Variants in TSNARE1 observed in about 807,000 individuals in gnomAD.
TSNARE1 encodes the protein t-SNARE domain containing 1.
Under a neutral mutation model 62.0 loss-of-function variants are expected in TSNARE1, and 49 were observed. The ratio of observed to expected loss-of-function variants is 0.79; its 90% confidence interval spans 0.63 to 1.00. The LOEUF is 1.00. Among genes scored for constraint, TSNARE1 ranks in the 50% least tolerant of loss-of-function variants. The probability of loss-of-function intolerance (pLI) is 0.00; values close to 1 mark genes in which losing one functional copy is unlikely to be tolerated. For synonymous variants in TSNARE1, 328 were observed against 294.4 expected, an observed-to-expected ratio of 1.11 and a Z score of -1.17; for missense variants, 755 against 700.1, an observed-to-expected ratio of 1.08 and a Z score of -0.88.
intron 1 of TSNARE1, among the ~76,000 whole-genome samples, chr8:142,360,083 G>A (rs546102717): frequency 1.3e-5 from 2 of 152,352 alleles, no homozygotes; most frequent in Admixed American, 6.5e-5. Context: ...GGCACAGCAA[G>A]AGAGGGAGCC....
chr8:142,294,487 G>A (rs1241306591), intron 10 of TSNARE1, among the ~76,000 whole-genome samples: 1 of 152,220 alleles, frequency 6.6e-6, no homozygotes, highest in Non-Finnish European at 1.5e-5. Flanking sequence ...GGAGGCACCG[G>A]GCATGGTTCT....
At chr8:142,345,260 C>T (rs1295444843) in intron 3 of TSNARE1, among the ~76,000 whole-genome samples, 2 of 152,236 alleles carry the variant, frequency 1.3e-5, no homozygotes, top group Non-Finnish European at 2.9e-5. Flanking sequence ...AGGAGAAGCA[C>T]TCAAGTACAG....
At chr8:142,256,759 C>T (rs145065879) in intron 12 of TSNARE1, among the ~76,000 whole-genome samples, 3 of 152,216 alleles carry the variant, frequency 2.0e-5, no homozygotes, top group African/African-American at 7.2e-5. Flanking sequence ...GCACACAACT[C>T]GTCACTGGCA....
At chr8:142,278,071 G>A (rs1563810571) in intron 11 of TSNARE1, 4 of 985,376 alleles carry the variant, frequency 4.1e-6, no homozygotes, top group Non-Finnish European at 4.8e-6. Context: ...GGCCTGAGAG[G>A]ACCCAGATCC....
rs145860985 is a variant in TSNARE1, at chr8:142,218,144, G to GA, written c.*12-5832_*12-5831insT. On this transcript the variant is annotated intron_variant, in intron 13 of 13. Transcript: ENST00000524325. The stretch of plus-strand genomic sequence containing the variant: ...TCAGGGCTCCGTGTGACCAGGATCA[G>GA]GCTCAGTGTGTGGCCAGGGTCAGGC... Among the ~76,000 whole-genome samples the GA allele has an allele frequency of 3.4e-4, 20 of 58,704 alleles. 6 individuals are homozygous for GA. Among genetic ancestry groups the GA allele is most frequent in the Admixed American group, 1.0e-3 (7 of 6,994 alleles). The allele number at this position is 58,704 out of a possible 152,430, so 38.5% of individuals were successfully genotyped here.
chr8:142,380,254 G>A (rs908967706), intron 1 of TSNARE1, among the ~76,000 whole-genome samples: 8 of 152,204 alleles, frequency 5.3e-5, no homozygotes, highest in East Asian at 1.9e-4. Flanking sequence ...TGGGGAGGCC[G>A]GGCCTTGCCC....
chr8:142,299,624 T>TGCACACAC (rs1158000033), intron 10 of TSNARE1, among the ~76,000 whole-genome samples: 1 of 152,192 alleles, frequency 6.6e-6, no homozygotes, highest in African/African-American at 2.4e-5. Context: ...TACACATGCA[T>TGCACACAC]GCACACACAC....
At chr8:142,376,065 G>A (rs1836311919) in intron 1 of TSNARE1, among the ~76,000 whole-genome samples, 1 of 152,226 alleles carries the variant, frequency 6.6e-6, no homozygotes, top group African/African-American at 2.4e-5. Context: ...AGCAGAGTCG[G>A]TGGACACTGC....
chr8:142,274,612 C>G, intron 12 of TSNARE1, 169 bp downstream of exon 12: 1 of 985,474 alleles, frequency 1.0e-6, no homozygotes, highest in Non-Finnish European at 1.2e-6. Flanking sequence ...CCCCGCCACT[C>G]CCAGAGCCCT....
intron 11 of TSNARE1, among the ~76,000 whole-genome samples, chr8:142,282,855 A>G (rs1458046827): frequency 1.2e-4 from 13 of 104,264 alleles, no homozygotes; most frequent in Admixed American, 2.1e-4. Flanking sequence ...GCCAGTGTCT[A>G]TCAATGAGCA....
intron 12 of TSNARE1, chr8:142,270,367 G>T (rs904123990): frequency 1.0e-6 from 1 of 985,224 alleles, no homozygotes; most frequent in Admixed American, 6.2e-5. Flanking sequence ...GTCAGCAGCC[G>T]CACTGCTGCC....
At chr8:142,298,473 A>G (rs972499399) in intron 10 of TSNARE1, among the ~76,000 whole-genome samples, 2 of 152,108 alleles carry the variant, frequency 1.3e-5, no homozygotes, top group Admixed American at 6.5e-5. Context: ...GACAGTGAGA[A>G]GCCAGCCCCT....
intron 1 of TSNARE1, among the ~76,000 whole-genome samples, chr8:142,398,149 C>T (rs1838027321): frequency 6.6e-6 from 1 of 152,130 alleles, no homozygotes; most frequent in Admixed American, 6.5e-5. Flanking sequence ...CCACTCAGCT[C>T]TCCAGACACA....
chr8:142,286,497 G>C (rs1227636289), intron 10 of TSNARE1, among the ~76,000 whole-genome samples: 1 of 152,232 alleles, frequency 6.6e-6, no homozygotes, highest in Non-Finnish European at 1.5e-5. Flanking sequence ...CTGGGCAGTG[G>C]CTGGGAAGGT....
In TSNARE1 at chr8:142,344,409, G is replaced by C. The variant is rs116506890; in HGVS notation, c.302C>G (p.Pro101Arg). Residue 101 changes from proline to arginine, a missense_variant, in exon 4 of 14, where the codon CCG (proline) becomes CGG (arginine). Pro to Arg is a moderately radical substitution (Grantham distance 103, BLOSUM62 -2). Coordinates refer to ENST00000524325, the MANE Select transcript of TSNARE1 (RefSeq NM_145003.5). The stretch of plus-strand genomic sequence containing the variant: ...GGGCCCAGCAGCCGAGTCCTTCCTC[G>C]GGCCAATGGTGGGTGATGAGGTGGG... ...PEPTSSPTIG[P>R]RKDSAAGPHG... The C allele has an allele frequency of 5.7e-4, 903 of 1,588,096 alleles. 4 individuals carry two copies. In the African/African-American group the frequency reaches 0.01, roughly 18 times the overall value.
intron 1 of TSNARE1, among the ~76,000 whole-genome samples, chr8:142,378,217 T>A (rs557987658): frequency 1.3e-5 from 2 of 152,274 alleles, no homozygotes; most frequent in African/African-American, 4.8e-5. Context: ...CCGCTCAGCA[T>A]CACAAGGGAG....
rs141926338 is a variant in TSNARE1 at position 142,354,682 on chromosome 8, G to A, written c.43C>T (p.Arg15Cys). The change falls in exon 2 of 14, where the codon CGT (arginine) becomes TGT (cysteine). Residue 15 changes from arginine (R) to cysteine (C), a missense_variant. By Grantham distance (180) the Arg-to-Cys change is radical. Coordinates refer to ENST00000524325, the MANE Select transcript of TSNARE1 (RefSeq NM_145003.5). ...SIARGGGLGSRGPFGGPSRQG... is the reference protein window; with the variant it reads ...SIARGGGLGSCGPFGGPSRQG... The stretch of plus-strand genomic sequence containing the variant: ...CTCGAAGGTCCCCCGAAAGGGCCAC[G>A]GCTCCCCAGGCCACCTCCACGGGCG... The A allele has an allele frequency of 2.4e-5, 39 of 1,613,328 alleles. No individual in the cohort carries two copies. The highest frequency in any genetic ancestry group is 1.3e-4 in the Admixed American group (8 of 59,972).
chr8:142,218,257 C>T (rs1816032652), intron 13 of TSNARE1, among the ~76,000 whole-genome samples: 2 of 55,190 alleles, frequency 3.6e-5, no homozygotes, highest in African/African-American at 1.9e-4. Flanking sequence ...TGACCGGGAT[C>T]AGGCTCAGGG....
intron 2 of TSNARE1, among the ~76,000 whole-genome samples, chr8:142,348,199 G>A (rs945987203): frequency 2.6e-5 from 4 of 152,186 alleles, no homozygotes; most frequent in South Asian, 4.1e-4. Context: ...AATGCTGCAC[G>A]TATGGCTTTG....
Sources: gnomAD v4.1 joint callset for allele counts (sites outside exome capture counted in the v4.1 genomes callset) on GRCh38, gnomAD v4.1.1 for gene constraint, MANE v1.5 for transcripts, NCBI Gene and HGNC (gene_info 2026-07-23, HGNC 2026-07-21) for gene names.